Variants in NDST3 observed in about 807,000 individuals in gnomAD.
NDST3 encodes N-deacetylase and N-sulfotransferase 3.
A neutral mutation model predicts 96.1 loss-of-function variants in NDST3; 58 were observed. The observed-to-expected ratio is 0.60, with a 90% CI of 0.49 to 0.75. NDST3 has a LOEUF of 0.75. NDST3 is among the 30% of genes least tolerant of loss of function. NDST3 has a pLI of 0.00. For synonymous variants in NDST3, 333 were observed against 359.7 expected (o/e 0.93, Z 0.84); for missense variants, 788 against 1,034.2 (o/e 0.76, Z 3.27).
chr4:118,191,739 A>G (rs1423663472), intron 6 of NDST3, among the ~76,000 whole-genome samples: 1 of 152,236 alleles, frequency 6.6e-6, no homozygotes, highest in Non-Finnish European at 1.5e-5. Context: ...TAGTAATTTA[A>G]AAACATACAA....
At position 118,185,100 on chromosome 4, in the gene NDST3, G is replaced by A. The variant is rs544971614; in HGVS notation, c.1540-39391G>A. On this transcript the variant is annotated intron_variant, in intron 6 of 13. Transcript: ENST00000296499. ...CTAAAGAGACATGTAACAGGGAATA[G>A]CTGTTTAATAACATCAAAGAATGTT... Among the ~76,000 whole-genome samples the A allele has an allele frequency of 4.6e-5, 7 of 152,254 alleles. No homozygotes were observed. The East Asian group carries it at 1.4e-3, about 29-fold the overall frequency.
At chr4:118,254,973 GA>G (rs796106676) in intron 13 of NDST3, among the ~76,000 whole-genome samples, 87 of 152,232 alleles carry the variant, frequency 5.7e-4, no homozygotes, top group African/African-American at 2.0e-3. Flanking sequence ...AGAGCACTTT[GA>G]AAACAACCCT....
chr4:118,201,979 G>A (rs2125980376), intron 6 of NDST3, among the ~76,000 whole-genome samples: 1 of 152,180 alleles, frequency 6.6e-6, no homozygotes, highest in Non-Finnish European at 1.5e-5. Context: ...GAAAGGTAGG[G>A]GTCTGGTTTC....
chr4:118,176,929 T>C (rs767406879), intron 6 of NDST3, among the ~76,000 whole-genome samples: 34 of 151,976 alleles, frequency 2.2e-4, no homozygotes, highest in Non-Finnish European at 4.4e-4. Flanking sequence ...AAGGAGAAGG[T>C]AGATTTAAGT....
intron 4 of NDST3, 39 bp from the exon 5 acceptor site, chr4:118,138,015 A>T: frequency 6.7e-7 from 1 of 1,496,684 alleles, no homozygotes; most frequent in Non-Finnish European, 9.0e-7. Context: ...GATCAAGATA[A>T]ATCTTTACAC....
chr4:118,054,687 T>G lies in NDST3; in HGVS notation c.777T>G (p.His259Gln), dbSNP rs746987955. The change falls in exon 2 of 14, where the codon CAT becomes CAG. Residue 259 changes from histidine to glutamine, a missense_variant. This residue lies in a region of NDST3 where 490 missense variants were observed against 708.8 expected (regional missense o/e 0.69). Coordinates refer to ENST00000296499, the MANE Select transcript of NDST3 (RefSeq NM_004784.3). ...GTGCTTTTTATGCCACTATTATACA[T>G]GACCTGGGGCTTCATGATGGAATTC... ...SKGAFYATII[H>Q]DLGLHDGIQR... 3 of 1,613,240 alleles carry G rather than the reference T, an allele frequency of 1.9e-6. No homozygotes were observed. The highest frequency in any genetic ancestry group is 2.5e-6 in the Non-Finnish European group (3 of 1,179,508).
intron 6 of NDST3, among the ~76,000 whole-genome samples, chr4:118,178,760 C>A (rs1233577045): frequency 6.6e-6 from 1 of 152,026 alleles, no homozygotes; most frequent in Non-Finnish European, 1.5e-5. Context: ...AATCATTATA[C>A]TGTTTTCCAT....
At chr4:118,175,994 C>T (rs1736257372) in intron 6 of NDST3, among the ~76,000 whole-genome samples, 2 of 152,096 alleles carry the variant, frequency 1.3e-5, no homozygotes, top group African/African-American at 2.4e-5. Flanking sequence ...ACACATTGCA[C>T]ATTCTTACCT....
rs937188185 is a variant in NDST3 at position 118,258,444 on chromosome 4, T to C, written c.*2732T>C. On this transcript the variant is annotated 3_prime_UTR_variant, in exon 14 of 14. Coordinates refer to ENST00000296499, the MANE Select transcript of NDST3 (RefSeq NM_004784.3). ...ATTCCCTTTTTCATTGTTTAAAATA[T>C]GAAACTTCCTCAGGAAGAAATGAAA... 3 of 152,320 alleles carry C rather than the reference T, an allele frequency of 2.0e-5. No homozygotes were observed. Among genetic ancestry groups the C allele is most frequent in the Admixed American group, 1.3e-4 (2 of 15,304 alleles). The allele number at this position is 152,320 out of a possible 1,614,324, so 9.4% of individuals were successfully genotyped here.
chr4:118,190,392 A>G (rs1358377514), intron 6 of NDST3, among the ~76,000 whole-genome samples: 1 of 152,230 alleles, frequency 6.6e-6, no homozygotes, highest in African/African-American at 2.4e-5. Context: ...TTTAACTTAC[A>G]AATGATTCAG....
intron 6 of NDST3, among the ~76,000 whole-genome samples, chr4:118,155,088 T>C (rs1734637978): frequency 6.6e-6 from 1 of 152,242 alleles, no homozygotes; most frequent in African/African-American, 2.4e-5. Context: ...TGATATTACT[T>C]ATAAAATGGT....
intron 12 of NDST3, among the ~76,000 whole-genome samples, chr4:118,249,232 G>C (rs1048238446): frequency 6.6e-6 from 1 of 152,112 alleles, no homozygotes; most frequent in African/African-American, 2.4e-5. Flanking sequence ...TTCCAGTTAC[G>C]TTATCTACAG....
At chr4:118,124,332 T>G (rs1290223913) in intron 4 of NDST3, among the ~76,000 whole-genome samples, 1 of 152,090 alleles carries the variant, frequency 6.6e-6, no homozygotes, top group African/African-American at 2.4e-5. Flanking sequence ...TTGGTTTTTT[T>G]GTTTTGCTTG....
Position 118,054,428 on chromosome 4 carries a change from A to C in NDST3, c.518A>C (p.Gln173Pro), listed in dbSNP as rs1002554402. ...CACAAAACTAGTGAGAAGAGTGTAC[A>C]GAGCTTTCAGTTAAAAGGTTTCCCT... ...GFHKTSEKSV[Q>P]SFQLKGFPFS... Residue 173 changes from glutamine (Q) to proline (P), a missense_variant, in exon 2 of 14, where the codon CAG (glutamine) becomes CCG (proline). This residue lies in a region of NDST3 where 234 missense variants were observed against 256.9 expected (regional missense o/e 0.91). Coordinates refer to ENST00000296499, the MANE Select transcript of NDST3 (RefSeq NM_004784.3). The C allele has an allele frequency of 1.2e-6, 2 of 1,613,144 alleles. No individual in the cohort carries two copies. The highest frequency in any genetic ancestry group is 1.7e-5 in the Admixed American group (1 of 59,846).
At chr4:118,107,006 C>T (rs1171482289) in intron 3 of NDST3, among the ~76,000 whole-genome samples, 2 of 152,170 alleles carry the variant, frequency 1.3e-5, no homozygotes, top group African/African-American at 4.8e-5. Flanking sequence ...AGGAGAATGG[C>T]GTGAACCCAG....
chr4:118,204,801 T>C (rs1738328379), intron 6 of NDST3, among the ~76,000 whole-genome samples: 1 of 144,580 alleles, frequency 6.9e-6, no homozygotes, highest in Non-Finnish European at 1.5e-5. Flanking sequence ...ATAAAGTGGT[T>C]ATTAAATAAT....
At chr4:118,244,416 C>T (rs1486224321) in intron 12 of NDST3, among the ~76,000 whole-genome samples, 1 of 152,086 alleles carries the variant, frequency 6.6e-6, no homozygotes, top group Non-Finnish European at 1.5e-5. Context: ...ACTTTGTACA[C>T]TTTGGTATTG....
chr4:118,163,046 A>G (rs1485948487), intron 6 of NDST3, among the ~76,000 whole-genome samples: 2 of 152,162 alleles, frequency 1.3e-5, no homozygotes, highest in East Asian at 1.9e-4. Flanking sequence ...CAAAACCACA[A>G]TGAGATACCA....
intron 4 of NDST3, among the ~76,000 whole-genome samples, chr4:118,125,226 G>T (rs188093990): frequency 1.3e-5 from 2 of 152,056 alleles, no homozygotes; most frequent in African/African-American, 4.8e-5. Flanking sequence ...AAATAACAAA[G>T]ACATTTCTAT....
Sources: allele counts gnomAD v4.1 joint callset (sites outside exome capture counted in the v4.1 genomes callset), GRCh38; gene constraint gnomAD v4.1.1; regional missense constraint gnomAD v4.1.1; transcripts MANE v1.5; gene names NCBI Gene and HGNC (gene_info 2026-07-23, HGNC 2026-07-21).